The following KAT14 variants were observed in gnomAD, a reference collection of about 807,000 sequenced individuals.
KAT14 encodes cysteine-rich protein 2-binding protein.
Under a neutral mutation model 78.4 loss-of-function variants are expected in KAT14, and 66 were observed. That is an observed-to-expected ratio of 0.84 (90% CI 0.69 to 1.03). The LOEUF (loss-of-function observed/expected upper bound fraction) is 1.03. KAT14 is among the 50% of genes least tolerant of loss of function. The pLI, the probability that KAT14 is intolerant of heterozygous loss-of-function variation, is 0.00. For synonymous variants in KAT14, 344 were observed against 359.4 expected (o/e 0.96, Z 0.48); for missense variants, 870 against 972.5 (o/e 0.89, Z 1.40).
chr20:18,152,794 A>T (rs921636482), intron 4 of KAT14, among the ~76,000 whole-genome samples: 3 of 152,354 alleles, frequency 2.0e-5, no homozygotes, highest in East Asian at 3.9e-4. Flanking sequence ...GTCTGGGCAC[A>T]TCTGCATGTG....
intron 4 of KAT14, among the ~76,000 whole-genome samples, chr20:18,152,470 G>A (rs1245903391): frequency 1.3e-5 from 2 of 152,096 alleles, no homozygotes; most frequent in African/African-American, 4.8e-5. Flanking sequence ...CCAGCTACTC[G>A]GGAGGCTGAA....
At chr20:18,149,402 G>C (rs1423164260) in intron 3 of KAT14, among the ~76,000 whole-genome samples, 1 of 152,166 alleles carries the variant, frequency 6.6e-6, no homozygotes, top group African/African-American at 2.4e-5. Context: ...GGTGTTTGTT[G>C]GCTGATGTAG....
intron 7 of KAT14, among the ~76,000 whole-genome samples, chr20:18,167,585 TG>T (rs2038685317): frequency 6.6e-6 from 1 of 152,222 alleles, no homozygotes; most frequent in Non-Finnish European, 1.5e-5. Flanking sequence ...TCTTGACTTT[TG>T]AAATGATGTG....
At chr20:18,183,549 C>G (rs2039343834) in intron 9 of KAT14, 4 of 984,704 alleles carry the variant, frequency 4.1e-6, no homozygotes, top group Non-Finnish European at 4.8e-6. Context: ...AAAGATTCAT[C>G]CTGTTTTGCT....
intron 3 of KAT14, among the ~76,000 whole-genome samples, chr20:18,148,028 G>A (rs1475384237): frequency 1.3e-5 from 2 of 152,202 alleles, no homozygotes; most frequent in African/African-American, 4.8e-5. Context: ...CAACTGACCA[G>A]TATTTCTAGT....
At position 18,183,193 on chromosome 20, in the gene KAT14, G is replaced by C. The variant is rs746639379; in HGVS notation, c.1876G>C (p.Asp626His). 3 of 1,613,984 alleles carry C rather than the reference G, an allele frequency of 1.9e-6. No individual in the cohort carries two copies. Among genetic ancestry groups the C allele is most frequent in the Non-Finnish European group, 2.5e-6 (3 of 1,179,994 alleles). Reference protein sequence around the residue: ...SQIRSHLHRSDPHWTPEPDAP... With the variant: ...SQIRSHLHRSHPHWTPEPDAP... Reference sequence around the variant, plus strand: ...GATTCGTTCCCACCTGCACAGGAGCGACCCTCACTGGACGCCGGAGCCCGA... The same window carrying C: ...GATTCGTTCCCACCTGCACAGGAGCCACCCTCACTGGACGCCGGAGCCCGA... Residue 626 changes from aspartate to histidine, a missense_variant, in exon 9 of 11, where the codon GAC becomes CAC. Coordinates refer to ENST00000688188, the MANE Select transcript of KAT14 (RefSeq NM_001392073.1).
chr20:18,153,571 C>G (rs1295605757), intron 4 of KAT14, among the ~76,000 whole-genome samples: 1 of 152,112 alleles, frequency 6.6e-6, no homozygotes, highest in African/African-American at 2.4e-5. Context: ...AAAAATATTG[C>G]TGGATTTTAA....
At chr20:18,165,907 G>C (rs2038621424) in intron 7 of KAT14, among the ~76,000 whole-genome samples, 1 of 152,084 alleles carries the variant, frequency 6.6e-6, no homozygotes, top group Non-Finnish European at 1.5e-5. Context: ...CTTTGGGGTG[G>C]GCATGGGTGG....
rs1278764855 is a variant in KAT14, at chr20:18,162,899, C to G, written c.1622C>G (p.Thr541Arg). The G allele has an allele frequency of 6.2e-7, 1 of 1,614,070 alleles. No individual in the cohort carries two copies. Among genetic ancestry groups the G allele is most frequent in the African/African-American group, 1.3e-5 (1 of 74,922 alleles). The change falls in exon 7 of 11, where the codon ACG becomes AGG. Residue 541 changes from threonine to arginine, a missense_variant. Physicochemically the swap from Thr to Arg is moderately conservative, Grantham distance 71. Transcript: ENST00000688188. Reference sequence around the variant, plus strand: ...TCCAGACTTCCAGCTGGACAAGCCACGTACAGAACCACCTGTCAGGACTTC... The same window carrying G: ...TCCAGACTTCCAGCTGGACAAGCCAGGTACAGAACCACCTGTCAGGACTTC... ...GISRLPAGQA[T>R]YRTTCQDFRI...
chr20:18,174,905 TCCAC>T (rs2038978845), intron 7 of KAT14, among the ~76,000 whole-genome samples: 1 of 152,134 alleles, frequency 6.6e-6, no homozygotes, highest in South Asian at 2.1e-4. Flanking sequence ...CCTCAGGTGA[TCCAC>T]CCACCTCGGC....
chr20:18,144,278 G>T (rs762966138), intron 2 of KAT14, among the ~76,000 whole-genome samples: 3 of 152,268 alleles, frequency 2.0e-5, no homozygotes, highest in South Asian at 2.1e-4. Context: ...ATTGATTTCA[G>T]GTTCTGCCTG....
At chr20:18,143,374 G>C (rs941782782) in intron 2 of KAT14, among the ~76,000 whole-genome samples, 24 of 152,012 alleles carry the variant, frequency 1.6e-4, no homozygotes, top group African/African-American at 4.1e-4. Flanking sequence ...CCTTTTTCTA[G>C]GACCAGTCTT....
Position 18,162,143 on chromosome 20 carries a change from GCC to G in KAT14, c.1006_1007del (p.Pro336TrpfsTer11). 1 of 1,614,178 alleles carries G rather than the reference GCC, an allele frequency of 6.2e-7. No individual in the cohort carries two copies. Among genetic ancestry groups the G allele is most frequent in the South Asian group, 1.1e-5 (1 of 91,084 alleles). ...TCCTTCTCCTTCTCTGGATTTCTCT[GCC>G]CCTGGTACACCTGCCTCTCATTCTG... is the stretch of plus-strand genomic sequence containing the variant. Reference protein sequence around the residue: ...PSPSPSLDFSAPGTPASHSAT... With the variant: ...PSPSPSLDFSXPGTPASHSAT... On this transcript the variant is annotated frameshift_variant, in exon 6 of 11. Coordinates refer to ENST00000688188, the MANE Select transcript of KAT14 (RefSeq NM_001392073.1). LOFTEE classifies it high-confidence loss of function.
Position 18,138,043 on chromosome 20 carries a change from G to A in KAT14, c.-462G>A, listed in dbSNP as rs2037359390. 4.0e-6 allele frequency: 6 copies of A among 1,488,236 alleles called. No homozygotes were observed. Among genetic ancestry groups the A allele is most frequent in the East Asian group, 2.8e-5 (1 of 35,256 alleles). 92.2% of individuals were successfully genotyped at this position (1,488,236 alleles called of 1,614,324 possible). ...CGGCGTACATGTGAAGCAGCAGTGG[G>A]ACCAGCAGGTCGGTGTCACGTGACC... On this transcript the variant is annotated 5_prime_UTR_variant, in exon 1 of 11. Transcript: ENST00000688188.
Position 18,142,110 on chromosome 20 carries a change from A to C in KAT14, c.-453-98A>C. 10 of 1,232,264 alleles carry C rather than the reference A, an allele frequency of 8.1e-6. No individual in the cohort carries two copies. In the South Asian group the frequency reaches 1.7e-4, roughly 21 times the overall value. The allele number at this position is 1,232,264 out of a possible 1,614,324, so 76.3% of individuals were successfully genotyped here. Reference sequence around the variant, plus strand: ...TGGGTATTTGGAATCTGAAAGTTTTAAGTATATTTTGGTAACACTGTTATT... The same window carrying C: ...TGGGTATTTGGAATCTGAAAGTTTTCAGTATATTTTGGTAACACTGTTATT... On this transcript the variant is annotated intron_variant, in intron 1 of 10. Coordinates refer to ENST00000688188, the MANE Select transcript of KAT14 (RefSeq NM_001392073.1).
At chr20:18,160,647 A>G (rs1309177290) in intron 5 of KAT14, among the ~76,000 whole-genome samples, 1 of 152,078 alleles carries the variant, frequency 6.6e-6, no homozygotes, top group Non-Finnish European at 1.5e-5. Context: ...GGGTCTCGCC[A>G]TGTTTCCTGG....
At chr20:18,157,511 T>G (rs928510376) in intron 4 of KAT14, among the ~76,000 whole-genome samples, 4 of 152,204 alleles carry the variant, frequency 2.6e-5, no homozygotes, top group African/African-American at 9.7e-5. Context: ...TTCAGTGGTG[T>G]TAAGTATGTT....
At chr20:18,143,163 TTG>T in intron 2 of KAT14, 1 of 1,230,292 alleles carries the variant, frequency 8.1e-7, no homozygotes, top group Non-Finnish European at 1.0e-6. Context: ...ATTGAGAAAA[TTG>T]GAAATCCTGT....
At chr20:18,162,326 T>C in intron 6 of KAT14, 51 bp from the exon 7 acceptor site, 1 of 1,602,952 alleles carries the variant, frequency 6.2e-7, no homozygotes, top group Admixed American at 1.7e-5. Context: ...CTGTGTGCTC[T>C]GCATTTCTTC....
Sources: gnomAD v4.1 joint callset for allele counts (sites outside exome capture counted in the v4.1 genomes callset) on GRCh38, gnomAD v4.1.1 for gene constraint, MANE v1.5 for transcripts, NCBI Gene and HGNC (gene_info 2026-07-23, HGNC 2026-07-21) for gene names.